The following FAM169A variants were observed in gnomAD, a reference collection of about 807,000 sequenced individuals.
FAM169A encodes soluble lamin-associated protein of 75 kDa.
Under a neutral mutation model 75.7 loss-of-function variants are expected in FAM169A, and 24 were observed. The observed-to-expected ratio is 0.32, with a 90% CI of 0.23 to 0.45. The LOEUF is 0.45. FAM169A is among the 20% of genes least tolerant of loss of function. The pLI, the probability that FAM169A is intolerant of heterozygous loss-of-function variation, is 1.00. For synonymous variants in FAM169A, 271 were observed against 271.0 expected, an observed-to-expected ratio of 1.00 and a Z score of 0.00; for missense variants, 673 against 784.0, an observed-to-expected ratio of 0.86 and a Z score of 1.69.
At chr5:74,784,891 C>A (rs748611531) in intron 11 of FAM169A, among the ~76,000 whole-genome samples, 1 of 145,092 alleles carries the variant, frequency 6.9e-6, no homozygotes, top group Non-Finnish European at 1.5e-5. Context: ...TGCACTCCAG[C>A]CTGAGCAACA....
chr5:74,845,799 G>GT (rs1749126558), intron 1 of FAM169A, among the ~76,000 whole-genome samples: 1 of 152,148 alleles, frequency 6.6e-6, no homozygotes, highest in Non-Finnish European at 1.5e-5. Context: ...GCTTATGCAA[G>GT]TAAGATGTTA....
At chr5:74,801,118 C>G (rs1367617372) in intron 9 of FAM169A, 88 bp from the exon 10 acceptor site, 3 of 977,692 alleles carry the variant, frequency 3.1e-6, no homozygotes, top group African/African-American at 1.7e-5. Context: ...AAGAACTACA[C>G]TAGTTTACAC....
At chr5:74,783,197 C>A in intron 11 of FAM169A, 63 bp from the exon 12 acceptor site, 1 of 1,203,890 alleles carries the variant, frequency 8.3e-7, no homozygotes, top group South Asian at 1.4e-5. Flanking sequence ...ATTTGTCATG[C>A]ATGACGGGTC....
In FAM169A at chr5:74,796,070, A is replaced by G; in HGVS notation, c.1220T>C (p.Leu407Pro). 1 of 1,614,102 alleles carries G rather than the reference A, an allele frequency of 6.2e-7. No individual in the cohort carries two copies. The highest frequency in any genetic ancestry group is 8.5e-7 in the Non-Finnish European group (1 of 1,180,008). Residue 407 changes from leucine to proline, a missense_variant, in exon 11 of 13, where the codon CTG becomes CCG. Transcript: ENST00000687041. ...ESSDRDARPA[L>P]ETQPQQEKQD... ...CTTCTCTTGCTGTGGCTGGGTTTCC[A>G]GTGCTGGCCGTGCATCTCTATCACT...
chr5:74,802,818 G>A (rs1746658118), intron 8 of FAM169A, among the ~76,000 whole-genome samples: 1 of 152,040 alleles, frequency 6.6e-6, no homozygotes, highest in African/African-American at 2.4e-5. Flanking sequence ...TAAATCATAT[G>A]ACAAATATCT....
At chr5:74,809,376 C>T (rs1481841368) in intron 6 of FAM169A, among the ~76,000 whole-genome samples, 6 of 151,988 alleles carry the variant, frequency 3.9e-5, no homozygotes, top group Admixed American at 3.3e-4. Context: ...GGGCGGATCA[C>T]GAGGTCAGGA....
At chr5:74,834,303 A>G in intron 5 of FAM169A, 123 bp downstream of exon 5, 1 of 493,340 alleles carries the variant, frequency 2.0e-6, no homozygotes. Flanking sequence ...CCCAAGAAAT[A>G]CTAATTAAAA....
chr5:74,866,873 C>T (rs192921256), upstream of FAM169A: 153 of 985,528 alleles, frequency 1.6e-4, no homozygotes, highest in African/African-American at 2.5e-3. Flanking sequence ...AGGGCACGGG[C>T]GAGGACCGCC....
In FAM169A at chr5:74,778,927, A is replaced by AT. The variant is rs1157225070; in HGVS notation, c.*2532dup. The AT allele has an allele frequency of 2.6e-5, 4 of 152,108 alleles. No homozygotes were observed. Among genetic ancestry groups the AT allele is most frequent in the East Asian group, 1.9e-4 (1 of 5,200 alleles). 9.4% of individuals were successfully genotyped at this position (152,108 alleles called of 1,614,324 possible). A position where few individuals can be genotyped will look rare whatever the true frequency, so the allele number is the denominator to read the frequency against. On this transcript the variant is annotated 3_prime_UTR_variant, in exon 13 of 13. Transcript: ENST00000687041. ...GCCTTGCAAAAACTACAGATAACTG[A>AT]TTAAGTTCATGTAGGTTCCTTATTG...
chr5:74,840,808 G>A (rs1167840625), intron 2 of FAM169A, among the ~76,000 whole-genome samples: 11 of 147,606 alleles, frequency 7.5e-5, no homozygotes, highest in South Asian at 4.3e-4. Flanking sequence ...CAACCTGGGC[G>A]ACAGACCGAG....
intron 1 of FAM169A, among the ~76,000 whole-genome samples, chr5:74,847,796 T>C (rs1749233636): frequency 6.6e-6 from 1 of 152,144 alleles, no homozygotes; most frequent in Non-Finnish European, 1.5e-5. Flanking sequence ...TCAAGTAAGG[T>C]TTTTTAACAG....
In FAM169A at chr5:74,801,038, G is replaced by A; in HGVS notation, c.953-8C>T. On this transcript the variant is annotated splice_region_variant and splice_polypyrimidine_tract_variant and intron_variant, in intron 9 of 12. Coordinates refer to ENST00000687041, the MANE Select transcript of FAM169A (RefSeq NM_001376049.1). ...CAGATGTTTTATCATGACCTGAGGA[G>A]AAAAACAGCAAAACTGCACTTAATT... The A allele has an allele frequency of 6.6e-7, 1 of 1,524,182 alleles. No homozygotes were observed. The highest frequency in any genetic ancestry group is 8.8e-7 in the Non-Finnish European group (1 of 1,137,762). 94.4% of individuals were successfully genotyped at this position (1,524,182 alleles called of 1,614,324 possible).
At chr5:74,841,481 G>A (rs986555752) in intron 2 of FAM169A, 64 bp downstream of exon 2, 10 of 1,236,690 alleles carry the variant, frequency 8.1e-6, no homozygotes, top group Non-Finnish European at 1.1e-5. Context: ...TTTAAAAAAG[G>A]ATATTTATTT....
intron 5 of FAM169A, among the ~76,000 whole-genome samples, chr5:74,833,002 A>G (rs1484322454): frequency 6.6e-6 from 1 of 152,034 alleles, no homozygotes; most frequent in Non-Finnish European, 1.5e-5. Context: ...TAGGTGCCAG[A>G]GAAGGAGCCT....
intron 1 of FAM169A, among the ~76,000 whole-genome samples, chr5:74,844,656 A>G (rs1349933337): frequency 6.6e-6 from 1 of 151,976 alleles, no homozygotes; most frequent in Non-Finnish European, 1.5e-5. Context: ...CGTCTCTACT[A>G]AAAGTACAAA....
At chr5:74,801,139 C>G in intron 9 of FAM169A, 109 bp from the exon 10 acceptor site, 1 of 776,766 alleles carries the variant, frequency 1.3e-6, no homozygotes, top group Non-Finnish European at 1.9e-6. Flanking sequence ...ATATCCTCCA[C>G]ATTACACAGG....
At chr5:74,823,281 T>C (rs1053767451) in intron 5 of FAM169A, among the ~76,000 whole-genome samples, 2 of 152,176 alleles carry the variant, frequency 1.3e-5, no homozygotes, top group African/African-American at 4.8e-5. Context: ...CCCTAAACTT[T>C]CATGACTCTC....
chr5:74,866,627 G>C, upstream of FAM169A: 1 of 733,452 alleles, frequency 1.4e-6, no homozygotes, highest in Non-Finnish European at 1.7e-6. Context: ...TCACCCGGCA[G>C]CGCGACGCCC....
In FAM169A at chr5:74,779,833, A is replaced by C. The variant is rs1406713923; in HGVS notation, c.*1627T>G. ...CTTGATCGAAAATACCAACATCCCC[A>C]AACAAAATTTACTGACCTGACATCA... On this transcript the variant is annotated 3_prime_UTR_variant, in exon 13 of 13. Coordinates refer to ENST00000687041, the MANE Select transcript of FAM169A (RefSeq NM_001376049.1). 1 of 152,192 alleles carries C rather than the reference A, an allele frequency of 6.6e-6. No homozygotes were observed. Among genetic ancestry groups the C allele is most frequent in the East Asian group, 1.9e-4 (1 of 5,198 alleles). 9.4% of individuals were successfully genotyped at this position (152,192 alleles called of 1,614,324 possible). A position where few individuals can be genotyped will look rare whatever the true frequency, so the allele number is the denominator to read the frequency against.
Sources: allele counts gnomAD v4.1 joint callset (sites outside exome capture counted in the v4.1 genomes callset), GRCh38; gene constraint gnomAD v4.1.1; transcripts MANE v1.5; gene names NCBI Gene and HGNC (gene_info 2026-07-23, HGNC 2026-07-21).